COMMD10: variants seen among roughly 807,000 people sequenced by gnomAD.
COMMD10 encodes the protein COMM domain containing 10.
Under a neutral mutation model 28.9 loss-of-function variants are expected in COMMD10, and 33 were observed. The observed-to-expected ratio is 1.14, with a 90% CI of 0.87 to 1.53. The LOEUF (loss-of-function observed/expected upper bound fraction) is 1.53, where lower values mean the gene tolerates loss of function less well. COMMD10 is among the 40% of genes most tolerant of loss of function. The pLI is 0.00. For synonymous variants in COMMD10, 110 were observed against 81.7 expected (o/e 1.35, Z -1.87); for missense variants, 310 against 233.4 (o/e 1.33, Z -2.14).
intron 5 of COMMD10, among the ~76,000 whole-genome samples, chr5:116,268,347 A>G (rs868798472): frequency 2.3e-4 from 35 of 152,058 alleles, no homozygotes; most frequent in Middle Eastern, 6.8e-3. Flanking sequence ...AACACATGAA[A>G]AAATGCTCAT....
chr5:116,282,107 C>T (rs533057078), intron 5 of COMMD10, among the ~76,000 whole-genome samples: 1 of 152,054 alleles, frequency 6.6e-6, no homozygotes, highest in South Asian at 2.1e-4. Flanking sequence ...TCCTGCCCTT[C>T]TTCAGATCTG....
intron 5 of COMMD10, among the ~76,000 whole-genome samples, chr5:116,185,947 GTT>G (rs1234821576): frequency 6.6e-6 from 1 of 152,086 alleles, no homozygotes; most frequent in Non-Finnish European, 1.5e-5. Context: ...CTGGATGAAT[GTT>G]ACCTGACTTT....
At chr5:116,166,113 G>C (rs1485140475) in intron 5 of COMMD10, among the ~76,000 whole-genome samples, 1 of 151,398 alleles carries the variant, frequency 6.6e-6, no homozygotes, top group Non-Finnish European at 1.5e-5. Flanking sequence ...TATTTCTATA[G>C]TTTTAGTCCT....
In COMMD10 at chr5:116,130,029, A is replaced by G. The variant is rs184778564; in HGVS notation, c.400-4039A>G. ...TATTTACTTTTTTTATTACTCTGTCATATGGCCATGGAACAAATATTTTTC... is the reference window on the plus strand; with the variant it reads ...TATTTACTTTTTTTATTACTCTGTCGTATGGCCATGGAACAAATATTTTTC... On this transcript the variant is annotated intron_variant, in intron 4 of 6. Transcript: ENST00000274458. Among the ~76,000 whole-genome samples, 761 of 151,638 alleles carry G rather than the reference A, an allele frequency of 5.0e-3. 6 individuals carry two copies. Among genetic ancestry groups the G allele is most frequent in the African/African-American group, 0.018 (732 of 41,410 alleles).
intron 5 of COMMD10, among the ~76,000 whole-genome samples, chr5:116,270,726 C>T (rs765684581): frequency 5.3e-5 from 8 of 151,686 alleles, no homozygotes; most frequent in Non-Finnish European, 1.0e-4. Flanking sequence ...CAGCTGAGGT[C>T]AGGAGCTCAC....
At chr5:116,246,890 G>A (rs72806923) in intron 5 of COMMD10, among the ~76,000 whole-genome samples, 8,031 of 152,072 alleles carry the variant, frequency 0.053, 296 homozygotes, top group East Asian at 0.14. Flanking sequence ...GACAACCTAG[G>A]CAATACCATG....
chr5:116,279,934 T>C (rs188961592), intron 5 of COMMD10, among the ~76,000 whole-genome samples: 2 of 152,036 alleles, frequency 1.3e-5, no homozygotes. Flanking sequence ...AATGAGTTAC[T>C]GAATGGAAGT....
At chr5:116,245,030 T>C (rs72806919) in intron 5 of COMMD10, among the ~76,000 whole-genome samples, 7,999 of 137,186 alleles carry the variant, frequency 0.058, 292 homozygotes, top group East Asian at 0.15. Flanking sequence ...ATTCAAAACA[T>C]AAATCCAGGA....
At chr5:116,152,537 G>A (rs1752565161) in intron 5 of COMMD10, among the ~76,000 whole-genome samples, 1 of 151,772 alleles carries the variant, frequency 6.6e-6, no homozygotes, top group Admixed American at 6.6e-5. Context: ...TCTACAAATA[G>A]CCTCAAAACA....
intron 2 of COMMD10, among the ~76,000 whole-genome samples, chr5:116,088,226 A>G (rs1188323475): frequency 6.6e-6 from 1 of 152,232 alleles, no homozygotes; most frequent in African/African-American, 2.4e-5. Flanking sequence ...TTGAGAACCA[A>G]GACTCTTACT....
chr5:116,149,925 G>C lies in COMMD10; in HGVS notation c.510+15747G>C, dbSNP rs914937853. 1.0e-3 allele frequency among the ~76,000 whole-genome samples: 156 copies of C among 151,688 alleles called. 1 individual carries two copies. The highest frequency in any genetic ancestry group is 4.3e-3 in the Admixed American group (65 of 15,198). On this transcript the variant is annotated intron_variant, in intron 5 of 6. Coordinates refer to ENST00000274458, the MANE Select transcript of COMMD10 (RefSeq NM_016144.4). ...CTTTTGGTGTTTTAGACATGAAGTC[G>C]TTGCCCATGCCTATGTCCTGAATGG... is the stretch of plus-strand genomic sequence containing the variant.
intron 5 of COMMD10, among the ~76,000 whole-genome samples, chr5:116,162,112 T>C (rs1752937324): frequency 6.6e-6 from 1 of 152,238 alleles, no homozygotes; most frequent in South Asian, 2.1e-4. Flanking sequence ...ATTATAAGCA[T>C]GCCCCTTAAG....
intron 5 of COMMD10, among the ~76,000 whole-genome samples, chr5:116,254,394 T>C (rs1161422604): frequency 6.6e-6 from 1 of 151,840 alleles, no homozygotes; most frequent in Non-Finnish European, 1.5e-5. Flanking sequence ...GATGTTAGGG[T>C]GTTAATTTTG....
chr5:116,262,808 G>A (rs993558846), intron 5 of COMMD10, among the ~76,000 whole-genome samples: 1 of 151,544 alleles, frequency 6.6e-6, no homozygotes, highest in African/African-American at 2.4e-5. Context: ...CACAATATCT[G>A]GCAATATTTC....
chr5:116,237,735 C>G (rs1459919831), intron 5 of COMMD10, among the ~76,000 whole-genome samples: 1 of 152,064 alleles, frequency 6.6e-6, no homozygotes, highest in African/African-American at 2.4e-5. Flanking sequence ...TTTTTATTAT[C>G]ATGGTTAAAT....
intron 5 of COMMD10, among the ~76,000 whole-genome samples, chr5:116,189,504 C>A (rs996569476): frequency 4.6e-5 from 7 of 152,168 alleles, no homozygotes; most frequent in Admixed American, 1.3e-4. Context: ...TCTGTTTCTT[C>A]AGCTTCATCA....
intron 4 of COMMD10, among the ~76,000 whole-genome samples, chr5:116,126,527 C>T (rs1190141643): frequency 2.0e-5 from 3 of 151,930 alleles, no homozygotes; most frequent in Non-Finnish European, 1.5e-5. Flanking sequence ...TCAAACTATA[C>T]TACAAGGCTA....
chr5:116,136,245 A>G (rs1014657940), intron 5 of COMMD10, among the ~76,000 whole-genome samples: 5 of 152,188 alleles, frequency 3.3e-5, no homozygotes, highest in African/African-American at 1.2e-4. Flanking sequence ...AAGAGCCTGA[A>G]AAGTCCCTTT....
rs1263731792 is a variant in COMMD10, at chr5:116,292,520, T to G, written c.*31T>G. On this transcript the variant is annotated 3_prime_UTR_variant, in exon 7 of 7. Coordinates refer to ENST00000274458, the MANE Select transcript of COMMD10 (RefSeq NM_016144.4). ...TCGAAGACTGTTTTTTTCATCACGCTCCTGCCACCTCATTATTTTGCATTG... is the reference window on the plus strand; with the variant it reads ...TCGAAGACTGTTTTTTTCATCACGCGCCTGCCACCTCATTATTTTGCATTG... 1.3e-6 allele frequency: 2 copies of G among 1,559,430 alleles called. No individual in the cohort carries two copies. Among genetic ancestry groups the G allele is most frequent in the South Asian group, 2.4e-5 (2 of 84,028 alleles).
Sources: allele counts gnomAD v4.1 joint callset (sites outside exome capture counted in the v4.1 genomes callset), GRCh38; gene constraint gnomAD v4.1.1; transcripts MANE v1.5; gene names NCBI Gene and HGNC (gene_info 2026-07-23, HGNC 2026-07-21).